DENR: variants seen among roughly 807,000 people sequenced by gnomAD.
The protein encoded by DENR is density regulated re-initiation and release factor, also known as density-regulated protein.
A neutral mutation model predicts 30.6 loss-of-function variants in DENR; 6 were observed. The ratio of observed to expected loss-of-function variants is 0.20; its 90% confidence interval spans 0.11 to 0.39. The LOEUF is 0.39. DENR is among the 10% of genes least tolerant of loss of function. The pLI is 1.00. For synonymous variants in DENR, 78 were observed against 72.1 expected, an observed-to-expected ratio of 1.08 and a Z score of -0.41; for missense variants, 141 against 230.9, an observed-to-expected ratio of 0.61 and a Z score of 2.52.
chr12:122,767,345 T>G, intron 5 of DENR, 143 bp from the exon 6 acceptor site: 1 of 582,056 alleles, frequency 1.7e-6, no homozygotes, highest in South Asian at 2.3e-5. Flanking sequence ...AATAAATGTT[T>G]ATTGAATGAA....
rs538411753 is a variant in DENR, at chr12:122,769,461, C to A, written c.*383C>A. The A allele has an allele frequency of 1.2e-4, 114 of 986,376 alleles. No homozygotes were observed. Among genetic ancestry groups the A allele is most frequent in the Non-Finnish European group, 1.3e-4 (108 of 830,752 alleles). 61.1% of individuals were successfully genotyped at this position (986,376 alleles called of 1,614,324 possible). ...TGCTCATGCATGAATAGAATTTAGT[C>A]AAATAAAAAATTTTGGTCATTTGGT... is the stretch of plus-strand genomic sequence containing the variant. On this transcript the variant is annotated 3_prime_UTR_variant, in exon 8 of 8. Coordinates refer to ENST00000280557, the MANE Select transcript of DENR (RefSeq NM_003677.5).
intron 6 of DENR, 124 bp from the exon 7 acceptor site, chr12:122,768,658 G>T: frequency 3.5e-6 from 3 of 858,004 alleles, no homozygotes; most frequent in Non-Finnish European, 5.2e-6. Context: ...TGTTCTGAAA[G>T]GAATATAAAA....
At position 122,769,255 on chromosome 12, in the gene DENR, T is replaced by TATACATACACATATAAGTATAC. The variant is rs1878948589; in HGVS notation, c.*192_*193insAGTATACATACATACACATATA. ...GTGTGTATGTATACATGTATATATA[T>TATACATACACATATAAGTATAC]ATACATACACATATATGTATACATA... On this transcript the variant is annotated 3_prime_UTR_variant, in exon 8 of 8. Transcript: ENST00000280557. The TATACATACACATATAAGTATAC allele has an allele frequency of 2.9e-6, 2 of 686,782 alleles. No individual in the cohort carries two copies. Among genetic ancestry groups the TATACATACACATATAAGTATAC allele is most frequent in the African/African-American group, 5.5e-5 (2 of 36,480 alleles). 42.5% of individuals were successfully genotyped at this position (686,782 alleles called of 1,614,324 possible).
rs1878951094 is a variant in DENR, at chr12:122,769,262, A to G, written c.*184A>G. Reference sequence around the variant, plus strand: ...TGTATACATGTATATATATATACATACACATATATGTATACATATATACAC... The same window carrying G: ...TGTATACATGTATATATATATACATGCACATATATGTATACATATATACAC... On this transcript the variant is annotated 3_prime_UTR_variant, in exon 8 of 8. Transcript: ENST00000280557. 5 of 755,254 alleles carry G rather than the reference A, an allele frequency of 6.6e-6. No individual in the cohort carries two copies. The highest frequency in any genetic ancestry group is 2.0e-5 in the African/African-American group (1 of 50,178). The allele number at this position is 755,254 out of a possible 1,614,324, so 46.8% of individuals were successfully genotyped here.
At chr12:122,763,197 C>A in intron 4 of DENR, 1 of 242,796 alleles carries the variant, frequency 4.1e-6, no homozygotes, top group Non-Finnish European at 7.8e-6. Context: ...GTCAGGAGAT[C>A]AAGATCATCT....
intron 5 of DENR, among the ~76,000 whole-genome samples, chr12:122,766,565 C>G (rs1374870080): frequency 6.6e-6 from 1 of 152,134 alleles, no homozygotes; most frequent in Non-Finnish European, 1.5e-5. Context: ...CCCAGAAGCA[C>G]CTCAAACACT....
At chr12:122,759,084 A>G (rs1477012792) in intron 2 of DENR, among the ~76,000 whole-genome samples, 1 of 151,824 alleles carries the variant, frequency 6.6e-6, no homozygotes, top group Non-Finnish European at 1.5e-5. Flanking sequence ...ACCTCAGGTG[A>G]TCCACCACCT....
intron 6 of DENR, among the ~76,000 whole-genome samples, chr12:122,768,553 G>A (rs1878910111): frequency 6.6e-6 from 1 of 152,106 alleles, no homozygotes; most frequent in Non-Finnish European, 1.5e-5. Flanking sequence ...ATATGAGTAA[G>A]GGGTAGTATA....
chr12:122,753,291 T>C (rs1266740135), intron 1 of DENR, among the ~76,000 whole-genome samples: 1 of 151,920 alleles, frequency 6.6e-6, no homozygotes, highest in Non-Finnish European at 1.5e-5. Context: ...CCACCCCTTG[T>C]TCCTAGGCAC....
chr12:122,765,245 C>CT lies in DENR; in HGVS notation c.212-50dup, dbSNP rs199533957. ...ATATGAGGTTGCTCAAAGGTGATTT[C>CT]TTTTTTTTTAACAGTGTGAGATGAT... On this transcript the variant is annotated intron_variant, in intron 4 of 7. Transcript: ENST00000280557. The CT allele has an allele frequency of 1.6e-3, 2,227 of 1,375,796 alleles. 1 individual carries two copies. The highest frequency in any genetic ancestry group is 3.4e-3 in the Admixed American group (144 of 42,868). 85.2% of individuals were successfully genotyped at this position (1,375,796 alleles called of 1,614,324 possible). A position where few individuals can be genotyped will look rare whatever the true frequency, so the allele number is the denominator to read the frequency against.
intron 2 of DENR, among the ~76,000 whole-genome samples, chr12:122,756,339 C>T (rs1026891779): frequency 6.6e-6 from 1 of 152,148 alleles, no homozygotes; most frequent in Admixed American, 6.6e-5. Flanking sequence ...ATCCCAGCTA[C>T]TCGGGAGGCT....
intron 2 of DENR, 46 bp from the exon 3 acceptor site, chr12:122,762,141 C>T: frequency 7.8e-7 from 1 of 1,284,554 alleles, no homozygotes; most frequent in South Asian, 1.4e-5. Context: ...TATGTGTGTA[C>T]ATATAGGTTT....
At chr12:122,757,992 G>C (rs1331861016) in intron 2 of DENR, among the ~76,000 whole-genome samples, 2 of 152,168 alleles carry the variant, frequency 1.3e-5, no homozygotes, top group African/African-American at 4.8e-5. Context: ...GGTGACTGTT[G>C]ACAGCGAAAT....
At chr12:122,762,342 G>A (rs1878722750) in intron 3 of DENR, 136 bp downstream of exon 3, 2 of 614,732 alleles carry the variant, frequency 3.3e-6, no homozygotes, top group Non-Finnish European at 5.4e-6. Flanking sequence ...AGAGAACTTT[G>A]ATTTAGAGTA....
chr12:122,769,454 A>T lies in DENR; in HGVS notation c.*376A>T, dbSNP rs2135514083. Reference sequence around the variant, plus strand: ...ACTGTCATGCTCATGCATGAATAGAATTTAGTCAAATAAAAAATTTTGGTC... The same window carrying T: ...ACTGTCATGCTCATGCATGAATAGATTTTAGTCAAATAAAAAATTTTGGTC... On this transcript the variant is annotated 3_prime_UTR_variant, in exon 8 of 8. Transcript: ENST00000280557. The T allele has an allele frequency of 1.0e-6, 1 of 987,126 alleles. No individual in the cohort carries two copies. Among genetic ancestry groups the T allele is most frequent in the African/African-American group, 1.8e-5 (1 of 57,116 alleles). 61.1% of individuals were successfully genotyped at this position (987,126 alleles called of 1,614,324 possible). A position where few individuals can be genotyped will look rare whatever the true frequency, so the allele number is the denominator to read the frequency against.
chr12:122,764,987 TAACAA>T (rs1383781206), intron 4 of DENR, among the ~76,000 whole-genome samples: 2 of 152,212 alleles, frequency 1.3e-5, no homozygotes, highest in Non-Finnish European at 2.9e-5. Flanking sequence ...CTCTAGATGT[TAACAA>T]AATTAGTAAG....
At chr12:122,759,242 G>A (rs544428184) in intron 2 of DENR, among the ~76,000 whole-genome samples, 3 of 152,204 alleles carry the variant, frequency 2.0e-5, no homozygotes, top group Non-Finnish European at 2.9e-5. Context: ...AGCTCATAAT[G>A]TCAGATGTTT....
intron 2 of DENR, among the ~76,000 whole-genome samples, chr12:122,758,329 C>T (rs1878605467): frequency 6.6e-6 from 1 of 152,216 alleles, no homozygotes; most frequent in South Asian, 2.1e-4. Flanking sequence ...CTCGGCCTCC[C>T]AAAGTGTTGG....
chr12:122,754,797 C>T (rs1450834275), intron 2 of DENR, among the ~76,000 whole-genome samples: 2 of 152,080 alleles, frequency 1.3e-5, no homozygotes, highest in East Asian at 1.9e-4. Context: ...GGAAATAGAA[C>T]CCACAAATTT....
Sources: gnomAD v4.1 joint callset for allele counts (sites outside exome capture counted in the v4.1 genomes callset) on GRCh38, gnomAD v4.1.1 for gene constraint, MANE v1.5 for transcripts, NCBI Gene and HGNC (gene_info 2026-07-23, HGNC 2026-07-21) for gene names.